The following KCND2 variants were observed in gnomAD, a reference collection of about 807,000 sequenced individuals.
KCND2 encodes A-type voltage-gated potassium channel KCND2.
In KCND2, 16 loss-of-function variants were observed where a neutral mutation model predicts 54.4. The ratio of observed to expected loss-of-function variants is 0.29; its 90% confidence interval spans 0.20 to 0.45. The LOEUF is 0.45. Among genes scored for constraint, KCND2 ranks in the 20% least tolerant of loss-of-function variants. KCND2 has a pLI of 1.00. For synonymous variants in KCND2, 317 were observed against 310.7 expected (o/e 1.02, Z -0.21); for missense variants, 486 against 824.2 (o/e 0.59, Z 5.02).
chr7:120,276,970 A>G (rs1180646151), intron 1 of KCND2, among the ~76,000 whole-genome samples: 2 of 151,836 alleles, frequency 1.3e-5, no homozygotes, highest in African/African-American at 2.4e-5. Flanking sequence ...TCCCAAGGCT[A>G]CTCTTTAAGC....
chr7:120,328,470 A>G (rs748446583), intron 1 of KCND2, among the ~76,000 whole-genome samples: 2 of 152,168 alleles, frequency 1.3e-5, no homozygotes, highest in Non-Finnish European at 2.9e-5. Flanking sequence ...GCTAGTAAAT[A>G]TCAAAGTTGA....
intron 1 of KCND2, among the ~76,000 whole-genome samples, chr7:120,408,597 G>A (rs1203243293): frequency 2.6e-5 from 4 of 151,820 alleles, no homozygotes; most frequent in African/African-American, 7.3e-5. Flanking sequence ...GGAAGTTGTC[G>A]TATGCTCTAT....
chr7:120,592,824 C>T (rs1415473726), intron 1 of KCND2, among the ~76,000 whole-genome samples: 3 of 152,150 alleles, frequency 2.0e-5, no homozygotes, highest in African/African-American at 7.2e-5. Flanking sequence ...AAGATATACA[C>T]TTAGAGTGCT....
intron 1 of KCND2, among the ~76,000 whole-genome samples, chr7:120,316,999 C>T (rs1007931658): frequency 1.3e-5 from 2 of 152,026 alleles, no homozygotes; most frequent in East Asian, 3.9e-4. Flanking sequence ...CGATGCCCAG[C>T]TGATTTTTTG....
intron 1 of KCND2, among the ~76,000 whole-genome samples, chr7:120,407,736 T>G (rs1801383620): frequency 6.6e-6 from 1 of 150,666 alleles, no homozygotes; most frequent in Admixed American, 6.6e-5. Context: ...TAATATAATA[T>G]AGAAACCTTA....
chr7:120,562,869 A>G (rs1288235952), intron 1 of KCND2, among the ~76,000 whole-genome samples: 1 of 152,318 alleles, frequency 6.6e-6, no homozygotes, highest in South Asian at 2.1e-4. Context: ...TTAAACAAAG[A>G]TAATATGCCA....
At chr7:120,719,685 G>A (rs533982758) in intron 1 of KCND2, among the ~76,000 whole-genome samples, 6 of 151,888 alleles carry the variant, frequency 4.0e-5, no homozygotes, top group East Asian at 1.9e-4. Context: ...TTAAAAAAAC[G>A]CCAAAATAAA....
At chr7:120,675,525 T>A (rs987545956) in intron 1 of KCND2, among the ~76,000 whole-genome samples, 5 of 152,074 alleles carry the variant, frequency 3.3e-5, no homozygotes, top group Admixed American at 1.3e-4. Flanking sequence ...CGTGAGCCAC[T>A]GCACCCTGCC....
chr7:120,375,584 G>A (rs1272559326), intron 1 of KCND2, among the ~76,000 whole-genome samples: 1 of 151,724 alleles, frequency 6.6e-6, no homozygotes, highest in Non-Finnish European at 1.5e-5. Context: ...TCATCAGAGA[G>A]GGCATTATTT....
chr7:120,706,567 C>T (rs1031083225), intron 1 of KCND2, among the ~76,000 whole-genome samples: 1 of 152,196 alleles, frequency 6.6e-6, no homozygotes, highest in African/African-American at 2.4e-5. Context: ...ATGGCTTAAT[C>T]ACCTCTTAAA....
At chr7:120,416,477 T>C (rs1452504669) in intron 1 of KCND2, among the ~76,000 whole-genome samples, 5 of 152,198 alleles carry the variant, frequency 3.3e-5, no homozygotes, top group Non-Finnish European at 5.9e-5. Context: ...TTTCATAGTA[T>C]TACATATATG....
intron 1 of KCND2, among the ~76,000 whole-genome samples, chr7:120,570,430 AC>A (rs1792350409): frequency 6.6e-6 from 1 of 151,840 alleles, no homozygotes. Context: ...AAAAAAAAAA[AC>A]AGCTTGTGAT....
At chr7:120,609,150 T>C (rs1792919719) in intron 1 of KCND2, among the ~76,000 whole-genome samples, 1 of 152,054 alleles carries the variant, frequency 6.6e-6, no homozygotes, top group Admixed American at 6.6e-5. Flanking sequence ...AATAAAGTAA[T>C]ACAGTTGCTA....
At chr7:120,461,475 A>C (rs974938425) in intron 1 of KCND2, among the ~76,000 whole-genome samples, 6 of 152,316 alleles carry the variant, frequency 3.9e-5, no homozygotes, top group African/African-American at 1.4e-4. Context: ...GAAGACCCAC[A>C]GATTCTTACA....
chr7:120,587,546 C>T (rs758957558), intron 1 of KCND2, among the ~76,000 whole-genome samples: 9 of 151,416 alleles, frequency 5.9e-5, no homozygotes, highest in Admixed American at 1.3e-4. Context: ...TTTTTCCAGA[C>T]GAATAGATTT....
At chr7:120,431,435 C>A (rs1453086116) in intron 1 of KCND2, among the ~76,000 whole-genome samples, 1 of 152,114 alleles carries the variant, frequency 6.6e-6, no homozygotes, top group Non-Finnish European at 1.5e-5. Context: ...GCAGGTAATT[C>A]AGTTAGATGA....
rs150202759 is a variant in KCND2 at position 120,546,692 on chromosome 7, C to T, written c.1116-186211C>T. On this transcript the variant is annotated intron_variant, in intron 1 of 5. Transcript: ENST00000331113. ...TAAGGCCTTGGAAATATTTAAATTA[C>T]GATTTGGAGAGTTGGGTTGGCAAAT... Among the ~76,000 whole-genome samples, 1,154 of 151,950 alleles carry T rather than the reference C, an allele frequency of 7.6e-3. 11 individuals are homozygous for T. The highest frequency in any genetic ancestry group is 0.02 in the Middle Eastern group (6 of 294).
At chr7:120,653,659 A>G (rs1275933744) in intron 1 of KCND2, among the ~76,000 whole-genome samples, 2 of 152,196 alleles carry the variant, frequency 1.3e-5, no homozygotes, top group African/African-American at 4.8e-5. Flanking sequence ...TCATAGTTTT[A>G]TTGTAGGGAT....
At chr7:120,302,385 A>G (rs1220420520) in intron 1 of KCND2, among the ~76,000 whole-genome samples, 1 of 152,036 alleles carries the variant, frequency 6.6e-6, no homozygotes, top group African/African-American at 2.4e-5. Flanking sequence ...TCAGCCTTCC[A>G]AATACTGGAG....
Sources: allele counts gnomAD v4.1 joint callset (sites outside exome capture counted in the v4.1 genomes callset), GRCh38; gene constraint gnomAD v4.1.1; transcripts MANE v1.5; gene names NCBI Gene and HGNC (gene_info 2026-07-23, HGNC 2026-07-21).